The following ZNF737 variants were observed in gnomAD, a reference collection of about 807,000 sequenced individuals.
The protein encoded by ZNF737 is zinc finger protein 737.
Under a neutral mutation model 11.7 loss-of-function variants are expected in ZNF737, and 13 were observed. The ratio of observed to expected loss-of-function variants is 1.11; its 90% CI spans 0.73 to 1.77. ZNF737 has a LOEUF of 1.77. Among genes scored for constraint, ZNF737 ranks in the 40% most tolerant of loss-of-function variants. The pLI, the probability that ZNF737 is intolerant of heterozygous loss-of-function variation, is 0.00. For missense variants in ZNF737, 636 were observed against 638.0 expected (o/e 1.00, Z 0.03); for synonymous variants, 217 against 216.2 (o/e 1.00, Z -0.03).
chr19:20,535,807 G>T (rs33942), downstream of ZNF737: 8,170 of 150,114 alleles, frequency 0.054, 279 homozygotes, highest in East Asian at 0.2. Context: ...GATTACAGGC[G>T]TCAGTCCCTG....
downstream of ZNF737, among the ~76,000 whole-genome samples, chr19:20,532,578 A>G (rs1967856462): frequency 6.8e-6 from 1 of 146,512 alleles, no homozygotes; most frequent in Non-Finnish European, 1.5e-5. Context: ...CTCAGTGAAG[A>G]TTTATTCAAA....
At chr19:20,533,147 G>C (rs1199374195), downstream of ZNF737, among the ~76,000 whole-genome samples, 2 of 150,090 alleles carry the variant, frequency 1.3e-5, no homozygotes, top group African/African-American at 4.9e-5. Context: ...TAACTCCAAA[G>C]GCCTTAGTAA....
At chr19:20,558,315 T>C (rs1968965434) in intron 1 of ZNF737, among the ~76,000 whole-genome samples, 1 of 151,612 alleles carries the variant, frequency 6.6e-6, no homozygotes, top group Admixed American at 6.6e-5. Context: ...ACAATTCTTC[T>C]GTTCATAAAT....
rs1968206529 is a variant in ZNF737, at chr19:20,541,538, C to G, written c.*3054G>C. 2.4e-6 allele frequency: 1 copy of G among 417,688 alleles called. No individual in the cohort carries two copies. The highest frequency in any genetic ancestry group is 1.6e-4 in the East Asian group (1 of 6,278). 25.9% of individuals were successfully genotyped at this position (417,688 alleles called of 1,614,324 possible). A position where few individuals can be genotyped will look rare whatever the true frequency, so the allele number is the denominator to read the frequency against. On this transcript the variant is annotated 3_prime_UTR_variant, in exon 4 of 4. Coordinates refer to ENST00000427401, the MANE Select transcript of ZNF737 (RefSeq NM_001159293.2). ...CTCAGCTCACTGCAACCTCTGCCTC[C>G]TGGGCTCAAACGATTCTCCTGCCTC...
chr19:20,550,627 C>T (rs1465564092), intron 3 of ZNF737, among the ~76,000 whole-genome samples: 1 of 152,156 alleles, frequency 6.6e-6, no homozygotes, highest in Non-Finnish European at 1.5e-5. Context: ...TTATGACTCA[C>T]ACCTGTAATG....
chr19:20,542,509 G>A lies in ZNF737; in HGVS notation c.*2083C>T. ...GGCCTCCCAAAGTGCTGAAATTACA[G>A]GCATGAGCCATCAAGCCCGGCCCTA... On this transcript the variant is annotated 3_prime_UTR_variant, in exon 4 of 4. Transcript: ENST00000427401. 1 of 968,124 alleles carries A rather than the reference G, an allele frequency of 1.0e-6. No homozygotes were observed. 60.0% of individuals were successfully genotyped at this position (968,124 alleles called of 1,614,324 possible).
chr19:20,557,774 G>A (rs552428424), intron 1 of ZNF737, among the ~76,000 whole-genome samples: 68 of 151,846 alleles, frequency 4.5e-4, no homozygotes, highest in African/African-American at 1.5e-3. Context: ...ATGCCACCAC[G>A]CCCAGCTAAT....
Position 20,540,822 on chromosome 19 carries a change from TATA to T in ZNF737, c.*3767_*3769del, listed in dbSNP as rs1968172378. On this transcript the variant is annotated 3_prime_UTR_variant, in exon 4 of 4. Coordinates refer to ENST00000427401, the MANE Select transcript of ZNF737 (RefSeq NM_001159293.2). ...TACATAAACAAAGATATCAACTGGA[TATA>T]ATAATTAACTACTTTTTAGTTTTAT... is the stretch of plus-strand genomic sequence containing the variant. The T allele has an allele frequency of 1.1e-6, 1 of 918,944 alleles. No individual in the cohort carries two copies. Among genetic ancestry groups the T allele is most frequent in the African/African-American group, 1.8e-5 (1 of 55,736 alleles). 56.9% of individuals were successfully genotyped at this position (918,944 alleles called of 1,614,324 possible). A position where few individuals can be genotyped will look rare whatever the true frequency, so the allele number is the denominator to read the frequency against.
Position 20,543,193 on chromosome 19 carries a change from G to A in ZNF737, c.*1399C>T, listed in dbSNP as rs2144603344. 1.0e-6 allele frequency: 1 copy of A among 981,370 alleles called. No homozygotes were observed. Among genetic ancestry groups the A allele is most frequent in the East Asian group, 1.1e-4 (1 of 8,724 alleles). The allele number at this position is 981,370 out of a possible 1,614,324, so 60.8% of individuals were successfully genotyped here. A position where few individuals can be genotyped will look rare whatever the true frequency, so the allele number is the denominator to read the frequency against. On this transcript the variant is annotated 3_prime_UTR_variant, in exon 4 of 4. Transcript: ENST00000427401. ...TAAACTCTCTGTTGTTTTCTAAGCTGTAGTTTCTGGGGAAAAAAAAGTGTT... is the reference window on the plus strand; with the variant it reads ...TAAACTCTCTGTTGTTTTCTAAGCTATAGTTTCTGGGGAAAAAAAAGTGTT...
intron 1 of ZNF737, among the ~76,000 whole-genome samples, chr19:20,554,721 T>C (rs1968819565): frequency 6.6e-6 from 1 of 152,180 alleles, no homozygotes; most frequent in Non-Finnish European, 1.5e-5. Flanking sequence ...AACCTCAAAA[T>C]ACAGATAACT....
rs1290566919 is a variant in ZNF737, at chr19:20,543,986, G to C, written c.*606C>G. The C allele has an allele frequency of 3.2e-6, 2 of 624,176 alleles. No homozygotes were observed. The highest frequency in any genetic ancestry group is 4.0e-5 in the African/African-American group (2 of 49,708). The allele number at this position is 624,176 out of a possible 1,614,324, so 38.7% of individuals were successfully genotyped here. A position where few individuals can be genotyped will look rare whatever the true frequency, so the allele number is the denominator to read the frequency against. ...CTACTAAAAATAAAAAAATTAGCTG[G>C]GCATGTTGGAGGACACCTGTAATCC... On this transcript the variant is annotated 3_prime_UTR_variant, in exon 4 of 4. Transcript: ENST00000427401.
At chr19:20,554,593 G>T (rs531189812) in intron 1 of ZNF737, among the ~76,000 whole-genome samples, 1 of 152,254 alleles carries the variant, frequency 6.6e-6, no homozygotes, top group African/African-American at 2.4e-5. Context: ...TTCACTAGAA[G>T]AAATTTTTAT....
chr19:20,536,199 GATTA>G (rs1967958985), downstream of ZNF737: 15 of 682,314 alleles, frequency 2.2e-5, no homozygotes, highest in Non-Finnish European at 2.3e-5. Flanking sequence ...GTAAAATAAA[GATTA>G]ATTTTGTTGA....
intron 1 of ZNF737, among the ~76,000 whole-genome samples, chr19:20,558,160 T>G (rs1407279240): frequency 6.6e-6 from 1 of 151,702 alleles, no homozygotes; most frequent in African/African-American, 2.4e-5. Context: ...GGCTGGCACC[T>G]GTAATCCCAG....
In ZNF737 at chr19:20,538,126, T is replaced by A; in HGVS notation, c.*6466A>T. 1.6e-6 allele frequency: 1 copy of A among 626,620 alleles called. No homozygotes were observed. Among genetic ancestry groups the A allele is most frequent in the Non-Finnish European group, 2.0e-6 (1 of 502,168 alleles). 38.8% of individuals were successfully genotyped at this position (626,620 alleles called of 1,614,324 possible). A position where few individuals can be genotyped will look rare whatever the true frequency, so the allele number is the denominator to read the frequency against. On this transcript the variant is annotated 3_prime_UTR_variant, in exon 4 of 4. Coordinates refer to ENST00000427401, the MANE Select transcript of ZNF737 (RefSeq NM_001159293.2). ...GTTCCTCTTCAAAGACTTTTCTACCTAATTATGAATAGTAACTTCTCTTAG... is the reference window on the plus strand; with the variant it reads ...GTTCCTCTTCAAAGACTTTTCTACCAAATTATGAATAGTAACTTCTCTTAG...
chr19:20,543,312 C>A lies in ZNF737; in HGVS notation c.*1280G>T. 1 of 985,826 alleles carries A rather than the reference C, an allele frequency of 1.0e-6. No individual in the cohort carries two copies. Among genetic ancestry groups the A allele is most frequent in the Non-Finnish European group, 1.2e-6 (1 of 829,882 alleles). 61.1% of individuals were successfully genotyped at this position (985,826 alleles called of 1,614,324 possible). A position where few individuals can be genotyped will look rare whatever the true frequency, so the allele number is the denominator to read the frequency against. Reference sequence around the variant, plus strand: ...ACTGCTTTAGGATTTTCCTCCAGTACAAAATGTGTGCAATAAGATCTGTGA... The same window carrying A: ...ACTGCTTTAGGATTTTCCTCCAGTAAAAAATGTGTGCAATAAGATCTGTGA... On this transcript the variant is annotated 3_prime_UTR_variant, in exon 4 of 4. Transcript: ENST00000427401.
chr19:20,559,232 A>T (rs1331194693), intron 1 of ZNF737, among the ~76,000 whole-genome samples: 1 of 152,220 alleles, frequency 6.6e-6, no homozygotes, highest in Non-Finnish European at 1.5e-5. Context: ...CTATCAACAG[A>T]GGAAAAAGAC....
rs781932043 is a variant in ZNF737, at chr19:20,545,880, T to C, written c.323A>G (p.His108Arg). ...VTLRRYENYGHDNLQFKKGCE... is the reference protein window; with the variant it reads ...VTLRRYENYGRDNLQFKKGCE... ...GCCCTTTTTAAACTGTAAATTGTCATGTCCATAGTTTTCATATCTTCTCAG... is the reference window on the plus strand; with the variant it reads ...GCCCTTTTTAAACTGTAAATTGTCACGTCCATAGTTTTCATATCTTCTCAG... The change falls in exon 4 of 4, where the codon CAT (histidine) becomes CGT (arginine). Residue 108 changes from histidine (H) to arginine (R), a missense_variant. By Grantham distance (29) the His-to-Arg change is conservative. Coordinates refer to ENST00000427401, the MANE Select transcript of ZNF737 (RefSeq NM_001159293.2). The C allele has an allele frequency of 5.6e-6, 9 of 1,612,752 alleles. No homozygotes were observed. The highest frequency in any genetic ancestry group is 1.1e-5 in the South Asian group (1 of 90,590).
chr19:20,531,517 T>C (rs1555752856), downstream of ZNF737, among the ~76,000 whole-genome samples: 2 of 149,754 alleles, frequency 1.3e-5, no homozygotes, highest in Non-Finnish European at 3.0e-5. Context: ...AGTGTATAGA[T>C]GTGATCTTAG....
Sources: allele counts gnomAD v4.1 joint callset (sites outside exome capture counted in the v4.1 genomes callset), GRCh38; gene constraint gnomAD v4.1.1; transcripts MANE v1.5; gene names NCBI Gene and HGNC (gene_info 2026-07-23, HGNC 2026-07-21).